The following SLC13A2 variants were observed in gnomAD, a reference collection of about 807,000 sequenced individuals.
SLC13A2 encodes the protein Na(+)-coupled citrate transporter.
A neutral mutation model predicts 58.5 loss-of-function variants in SLC13A2; 40 were observed. That is an observed-to-expected ratio of 0.68 (90% CI 0.53 to 0.89). The LOEUF (loss-of-function observed/expected upper bound fraction) is 0.89. SLC13A2 is among the 40% of genes least tolerant of loss of function. SLC13A2 has a pLI of 0.00. For synonymous variants in SLC13A2, 341 were observed against 331.6 expected (o/e 1.03, Z -0.31); for missense variants, 694 against 772.6 (o/e 0.90, Z 1.21).
chr17:28,493,550 G>T, intron 6 of SLC13A2, 21 bp from the exon 7 acceptor site: 2 of 1,582,636 alleles, frequency 1.3e-6, no homozygotes, highest in Non-Finnish European at 1.7e-6. Context: ...CCCACGAGCT[G>T]CCCCGTCCCT....
intron 2 of SLC13A2, 52 bp from the exon 3 acceptor site, chr17:28,490,402 C>T (rs373642930): frequency 2.5e-6 from 4 of 1,614,000 alleles, no homozygotes; most frequent in East Asian, 2.2e-5. Context: ...TCGGGGGCAC[C>T]GTGGGAGACT....
chr17:28,487,385 T>G (rs527903734), intron 1 of SLC13A2: 1 of 261,762 alleles, frequency 3.8e-6, no homozygotes, highest in African/African-American at 2.3e-5. Context: ...ATTTTTGAAA[T>G]GTATTTACTC....
At chr17:28,497,037 T>C in intron 11 of SLC13A2, 62 bp from the exon 12 acceptor site, 9 of 1,553,890 alleles carry the variant, frequency 5.8e-6, no homozygotes, top group Non-Finnish European at 7.9e-6. Context: ...CCCAAACACC[T>C]GGGGACTTGG....
In SLC13A2 at chr17:28,490,786, G is replaced by A. The variant is rs782785921; in HGVS notation, c.454G>A (p.Ala152Thr). The A allele has an allele frequency of 3.7e-6, 6 of 1,614,068 alleles. No individual in the cohort carries two copies. Among genetic ancestry groups the A allele is most frequent in the South Asian group, 2.2e-5 (2 of 91,074 alleles). Residue 152 changes from alanine to threonine, a missense_variant, in exon 4 of 12, where the codon GCA becomes ACA. By Grantham distance (58) the Ala-to-Thr change is moderately conservative (BLOSUM62 0). Coordinates refer to ENST00000314669, the MANE Select transcript of SLC13A2 (RefSeq NM_003984.4). ...CACCTCAGCCATGATGGTGCCCATC[G>A]CACATGCCGTCCTGGACCAGCTGCA... ...TATSAMMVPI[A>T]HAVLDQLHSS... is the part of the protein sequence containing the mutation.
chr17:28,492,700 T>C (rs1210649828), intron 6 of SLC13A2, among the ~76,000 whole-genome samples: 1 of 152,226 alleles, frequency 6.6e-6, no homozygotes, highest in Non-Finnish European at 1.5e-5. Context: ...GTAGTCACTG[T>C]TTGGAGCTCT....
At chr17:28,490,642 G>C in intron 3 of SLC13A2, 52 bp downstream of exon 3, 1 of 1,588,942 alleles carries the variant, frequency 6.3e-7, no homozygotes, top group Non-Finnish European at 8.6e-7. Flanking sequence ...GAGATATTCT[G>C]GGCACCCAGT....
chr17:28,474,496 C>T (rs2068638671), intron 1 of SLC13A2, among the ~76,000 whole-genome samples: 1 of 152,070 alleles, frequency 6.6e-6, no homozygotes, highest in South Asian at 2.1e-4. Flanking sequence ...GCCTGCCCTG[C>T]CCTAGGCACC....
At chr17:28,488,919 C>T (rs1412589505) in intron 1 of SLC13A2, among the ~76,000 whole-genome samples, 1 of 152,188 alleles carries the variant, frequency 6.6e-6, no homozygotes, top group African/African-American at 2.4e-5. Flanking sequence ...TCAGCTGGGC[C>T]CCTGCAATCC....
At chr17:28,473,976 A>T (rs1450187630) in intron 1 of SLC13A2, among the ~76,000 whole-genome samples, 162 bp downstream of exon 1, 1 of 152,102 alleles carries the variant, frequency 6.6e-6, no homozygotes, top group Non-Finnish European at 1.5e-5. Context: ...GAGGGCTAGG[A>T]GGTCAAAGGG....
Position 28,497,299 on chromosome 17 carries a change from A to G in SLC13A2, c.*30A>G. The G allele has an allele frequency of 1.9e-6, 3 of 1,595,024 alleles. No homozygotes were observed. Among genetic ancestry groups the G allele is most frequent in the Non-Finnish European group, 1.7e-6 (2 of 1,168,080 alleles). ...GGGCACAGCCTGGCCATGCCCAGGA[A>G]GACCCACCCCATTCCCACTCCTCTG... is the stretch of plus-strand genomic sequence containing the variant. On this transcript the variant is annotated 3_prime_UTR_variant, in exon 12 of 12. Coordinates refer to ENST00000314669, the MANE Select transcript of SLC13A2 (RefSeq NM_003984.4).
intron 11 of SLC13A2, 21 bp from the exon 12 acceptor site, chr17:28,497,078 A>G: frequency 6.2e-7 from 1 of 1,610,992 alleles, no homozygotes; most frequent in South Asian, 1.1e-5. Context: ...TGCTTAGCCA[A>G]ATGGACTCTC....
intron 1 of SLC13A2, among the ~76,000 whole-genome samples, chr17:28,475,754 G>A (rs1449466645): frequency 1.3e-5 from 2 of 152,084 alleles, no homozygotes; most frequent in Non-Finnish European, 2.9e-5. Flanking sequence ...TCTTGGCTTT[G>A]GTGACACCTT....
At chr17:28,477,040 A>G (rs557444598) in intron 1 of SLC13A2, among the ~76,000 whole-genome samples, 165 of 151,890 alleles carry the variant, frequency 1.1e-3, no homozygotes, top group Middle Eastern at 0.01. Context: ...CACACCTGTA[A>G]TCCCAGCTAC....
chr17:28,482,887 C>T (rs2068809713), intron 1 of SLC13A2, among the ~76,000 whole-genome samples: 1 of 152,218 alleles, frequency 6.6e-6, no homozygotes, highest in African/African-American at 2.4e-5. Flanking sequence ...CTCTGAGCGC[C>T]ATTCTTCTGG....
At chr17:28,493,429 A>C in intron 6 of SLC13A2, 142 bp from the exon 7 acceptor site, 1 of 640,632 alleles carries the variant, frequency 1.6e-6, no homozygotes, top group African/African-American at 1.8e-5. Flanking sequence ...CTCCTCCAGA[A>C]CCTCAGGCGG....
At chr17:28,481,155 C>G (rs2068777480) in intron 1 of SLC13A2, among the ~76,000 whole-genome samples, 1 of 152,230 alleles carries the variant, frequency 6.6e-6, no homozygotes, top group South Asian at 2.1e-4. Flanking sequence ...AGGGCTGTCA[C>G]AAGGATCAAA....
rs1390591697 is a variant in SLC13A2 at position 28,496,070 on chromosome 17, C to T, written c.1470+254C>T. Among the ~76,000 whole-genome samples the T allele has an allele frequency of 6.6e-6, 1 of 152,200 alleles. No homozygotes were observed. Among genetic ancestry groups the T allele is most frequent in the African/African-American group, 2.4e-5 (1 of 41,450 alleles). On this transcript the variant is annotated intron_variant, in intron 10 of 11. Transcript: ENST00000314669. The surrounding 1 kb of genome is among the most constrained non-coding windows in gnomAD (Gnocchi z 4.2). Reference sequence around the variant, plus strand: ...ATGGGGATCCTGGTGGCCTCACCCACCTCCCCACCCCAGTCCCTGTTCTGG... The same window carrying T: ...ATGGGGATCCTGGTGGCCTCACCCATCTCCCCACCCCAGTCCCTGTTCTGG...
chr17:28,490,293 T>G (rs1555602933), intron 2 of SLC13A2, 161 bp from the exon 3 acceptor site: 1 of 1,578,140 alleles, frequency 6.3e-7, no homozygotes, highest in African/African-American at 1.4e-5. Context: ...AAATTTATTT[T>G]TTTTAAATGG....
intron 6 of SLC13A2, 51 bp downstream of exon 6, chr17:28,491,903 G>A: frequency 6.3e-7 from 1 of 1,588,898 alleles, no homozygotes; most frequent in Non-Finnish European, 8.6e-7. Context: ...CTTAGCCCTG[G>A]GAGCTTCCAG....
Sources: allele counts gnomAD v4.1 joint callset (sites outside exome capture counted in the v4.1 genomes callset), GRCh38; gene constraint gnomAD v4.1.1; non-coding constraint Gnocchi (gnomAD v3.1); transcripts MANE v1.5; gene names NCBI Gene and HGNC (gene_info 2026-07-23, HGNC 2026-07-21).